The following FAF1 variants were observed in gnomAD, a reference collection of about 807,000 sequenced individuals.
FAF1 encodes Fas associated factor 1, also known as FAS-associated factor 1.
In FAF1, 25 loss-of-function variants were observed where a neutral mutation model predicts 92.5. The observed-to-expected ratio is 0.27, with a 90% CI of 0.20 to 0.38. The LOEUF (loss-of-function observed/expected upper bound fraction) is 0.38, where lower values mean the gene tolerates loss of function less well. FAF1 is among the 10% of genes least tolerant of loss of function. The probability of loss-of-function intolerance (pLI) is 1.00; values close to 1 mark genes in which losing one functional copy is unlikely to be tolerated. For missense variants in FAF1, 636 were observed against 793.3 expected, an observed-to-expected ratio of 0.80 and a Z score of 2.38; for synonymous variants, 234 against 273.2, an observed-to-expected ratio of 0.86 and a Z score of 1.42.
chr1:50,629,060 C>T (rs1653635689), intron 8 of FAF1, among the ~76,000 whole-genome samples: 1 of 151,350 alleles, frequency 6.6e-6, no homozygotes, highest in African/African-American at 2.4e-5. Context: ...AGACTAATGC[C>T]TTGTATATAA....
At chr1:50,814,711 C>T (rs1160942287) in intron 2 of FAF1, among the ~76,000 whole-genome samples, 4 of 152,206 alleles carry the variant, frequency 2.6e-5, no homozygotes, top group African/African-American at 7.2e-5. Context: ...CAAAGACATA[C>T]AAATGGCCAA....
Position 50,571,591 on chromosome 1 carries a change from A to G in FAF1, c.1114-4360T>C, listed in dbSNP as rs112457318. Among the ~76,000 whole-genome samples, 455 of 152,350 alleles carry G rather than the reference A, an allele frequency of 3.0e-3. 4 individuals carry two copies. Among genetic ancestry groups the G allele is most frequent in the African/African-American group, 0.01 (433 of 41,578 alleles). ...CATGAAAATGTATTAAAGATTAAGC[A>G]GCTCCTTCATTTTTCCTACTGGCAA... On this transcript the variant is annotated intron_variant, in intron 12 of 18. Transcript: ENST00000396153.
intron 4 of FAF1, chr1:50,780,855 A>T: frequency 2.2e-6 from 1 of 461,918 alleles, no homozygotes; most frequent in East Asian, 5.9e-5. Context: ...GATGCATCTT[A>T]CCTTCAGGAG....
chr1:50,590,092 C>A (rs1159767449), intron 9 of FAF1, among the ~76,000 whole-genome samples: 1 of 152,162 alleles, frequency 6.6e-6, no homozygotes, highest in Non-Finnish European at 1.5e-5. Context: ...ACATTGGAAT[C>A]AGGAAGAGTG....
intron 8 of FAF1, among the ~76,000 whole-genome samples, 181 bp downstream of exon 8, chr1:50,655,261 A>T (rs1306726100): frequency 6.6e-6 from 1 of 152,182 alleles, no homozygotes; most frequent in East Asian, 1.9e-4. Context: ...ACCTCAGGTG[A>T]TCCACACGCC....
chr1:50,909,072 G>A (rs968041058), intron 1 of FAF1, among the ~76,000 whole-genome samples: 1 of 152,108 alleles, frequency 6.6e-6, no homozygotes, highest in Non-Finnish European at 1.5e-5. Context: ...TAGGCCTGGT[G>A]GTAACAAAAT....
intron 6 of FAF1, among the ~76,000 whole-genome samples, chr1:50,730,260 T>C (rs1322077159): frequency 6.6e-6 from 1 of 152,092 alleles, no homozygotes; most frequent in Non-Finnish European, 1.5e-5. Context: ...GGATATTTCA[T>C]TGTTTATTTT....
intron 7 of FAF1, among the ~76,000 whole-genome samples, chr1:50,680,460 A>G (rs1333661874): frequency 1.3e-5 from 2 of 152,192 alleles, no homozygotes; most frequent in African/African-American, 4.8e-5. Flanking sequence ...AGGCAGGCAG[A>G]TCACCTGAGG....
At chr1:50,472,981 G>A (rs1015284682) in intron 18 of FAF1, among the ~76,000 whole-genome samples, 1 of 152,092 alleles carries the variant, frequency 6.6e-6, no homozygotes, top group Non-Finnish European at 1.5e-5. Context: ...CTTAGTTTAG[G>A]TCTGGAATCT....
At chr1:50,949,482 T>C (rs1219832287) in intron 1 of FAF1, among the ~76,000 whole-genome samples, 1 of 152,182 alleles carries the variant, frequency 6.6e-6, no homozygotes. Flanking sequence ...CAATGTCCCC[T>C]GGGGGACAGA....
At chr1:50,915,533 T>G (rs1644913646) in intron 1 of FAF1, among the ~76,000 whole-genome samples, 1 of 152,138 alleles carries the variant, frequency 6.6e-6, no homozygotes, top group South Asian at 2.1e-4. Context: ...TGATGTCTGG[T>G]AAATAAGCTG....
intron 4 of FAF1, among the ~76,000 whole-genome samples, chr1:50,763,892 AC>A (rs1660457517): frequency 6.6e-6 from 1 of 152,226 alleles, no homozygotes; most frequent in African/African-American, 2.4e-5. Flanking sequence ...ATTTCAGTGT[AC>A]TATCAATTAA....
intron 2 of FAF1, among the ~76,000 whole-genome samples, chr1:50,826,673 T>C (rs1284331709): frequency 2.0e-5 from 3 of 152,068 alleles, no homozygotes; most frequent in Non-Finnish European, 4.4e-5. Context: ...GGAAAGTCTG[T>C]ACAAATCCCA....
chr1:50,591,877 T>C (rs1651532983), intron 9 of FAF1, among the ~76,000 whole-genome samples: 1 of 152,184 alleles, frequency 6.6e-6, no homozygotes, highest in South Asian at 2.1e-4. Flanking sequence ...ATGAATGGAA[T>C]ATGATTCCTT....
At position 50,559,065 on chromosome 1, in the gene FAF1, A is replaced by G. The variant is rs550790566; in HGVS notation, c.1268+8012T>C. ...CAGGGGTTCGAGATCAGCCCGACCT[A>G]CAAGGTGAAACCCCATCTCTACTAA... On this transcript the variant is annotated intron_variant, in intron 13 of 18. Coordinates refer to ENST00000396153, the MANE Select transcript of FAF1 (RefSeq NM_007051.3). 2.6e-5 allele frequency among the ~76,000 whole-genome samples: 4 copies of G among 152,320 alleles called. No individual in the cohort carries two copies. The South Asian group carries it at 6.2e-4, about 24-fold the overall frequency.
intron 1 of FAF1, among the ~76,000 whole-genome samples, chr1:50,871,385 T>A (rs1197842337): frequency 6.6e-6 from 1 of 152,222 alleles, no homozygotes; most frequent in Non-Finnish European, 1.5e-5. Context: ...GAAGAAAACA[T>A]CATCACAGCA....
At chr1:50,691,097 T>C (rs945872381) in intron 7 of FAF1, among the ~76,000 whole-genome samples, 3 of 152,232 alleles carry the variant, frequency 2.0e-5, no homozygotes, top group African/African-American at 7.2e-5. Flanking sequence ...AGGAGTAGAA[T>C]TGCTGGGTCA....
chr1:50,716,039 C>T (rs1261107409), intron 6 of FAF1, among the ~76,000 whole-genome samples: 1 of 152,114 alleles, frequency 6.6e-6, no homozygotes, highest in African/African-American at 2.4e-5. Flanking sequence ...ACTTCTGCAA[C>T]CCACTTGTAA....
At chr1:50,562,652 G>GTACCTTGTACA (rs1649978475) in intron 13 of FAF1, among the ~76,000 whole-genome samples, 1 of 152,110 alleles carries the variant, frequency 6.6e-6, no homozygotes, top group African/African-American at 2.4e-5. Context: ...TACTCCTAAA[G>GTACCTTGTACA]TACCTTGTAC....
Sources: allele counts gnomAD v4.1 joint callset (sites outside exome capture counted in the v4.1 genomes callset), GRCh38; gene constraint gnomAD v4.1.1; transcripts MANE v1.5; gene names NCBI Gene and HGNC (gene_info 2026-07-23, HGNC 2026-07-21).